The following RALGAPA2 variants were observed in gnomAD, a reference collection of about 807,000 sequenced individuals.
RALGAPA2 encodes ral GTPase-activating protein subunit alpha-2.
A neutral mutation model predicts 230.4 loss-of-function variants in RALGAPA2; 139 were observed. That is an observed-to-expected ratio of 0.60 (90% CI 0.53 to 0.69). The LOEUF is 0.69. RALGAPA2 is among the 30% of genes least tolerant of loss of function. RALGAPA2 has a pLI of 0.00. For synonymous variants in RALGAPA2, 847 were observed against 837.8 expected, an observed-to-expected ratio of 1.01 and a Z score of -0.19; for missense variants, 2,163 against 2,276.0, an observed-to-expected ratio of 0.95 and a Z score of 1.01.
At chr20:20,653,195 CAAAAAAAAAAAAAAA>C (rs60906434) in intron 4 of RALGAPA2, among the ~76,000 whole-genome samples, 9 of 27,514 alleles carry the variant, frequency 3.3e-4, no homozygotes, top group Admixed American at 6.3e-4. Flanking sequence ...GACTCCATCT[CAAAAAAAAAAAAAAA>C]AAAAAAAAAA....
chr20:20,556,996 G>A (rs2064102497), intron 23 of RALGAPA2, among the ~76,000 whole-genome samples: 1 of 152,062 alleles, frequency 6.6e-6, no homozygotes, highest in African/African-American at 2.4e-5. Flanking sequence ...AGCAAAAACA[G>A]GGTCACTGCC....
intron 13 of RALGAPA2, among the ~76,000 whole-genome samples, chr20:20,615,063 C>T (rs1032266345): frequency 6.6e-5 from 10 of 151,844 alleles, no homozygotes; most frequent in Admixed American, 6.6e-4. Context: ...AGGCTGATGA[C>T]ACATGGAGAA....
chr20:20,453,170 T>C (rs1475272710), intron 37 of RALGAPA2, among the ~76,000 whole-genome samples: 1 of 152,182 alleles, frequency 6.6e-6, no homozygotes, highest in Non-Finnish European at 1.5e-5. Context: ...CTGAATAAAA[T>C]ATGTGAGGTT....
At chr20:20,643,432 C>A in intron 5 of RALGAPA2, 74 bp downstream of exon 5, 1 of 1,337,248 alleles carries the variant, frequency 7.5e-7, no homozygotes, top group Non-Finnish European at 1.0e-6. Context: ...TCCAAAATGC[C>A]CTAACATTGT....
In RALGAPA2 at chr20:20,445,465, C is replaced by T. The variant is rs556539197; in HGVS notation, c.5495+27364G>A. 7.9e-5 allele frequency among the ~76,000 whole-genome samples: 12 copies of T among 152,294 alleles called. No individual in the cohort carries two copies. The South Asian group carries it at 8.3e-4, about 11-fold the overall frequency. On this transcript the variant is annotated intron_variant, in intron 37 of 39. Coordinates refer to ENST00000202677, the MANE Select transcript of RALGAPA2 (RefSeq NM_020343.4). ...AACTGGAAGCTGGGGAGATCCCCCA[C>T]GGAATCTAATCTGGCCTTTGGCTCC...
At chr20:20,539,396 T>C (rs2063580192) in intron 24 of RALGAPA2, among the ~76,000 whole-genome samples, 1 of 152,216 alleles carries the variant, frequency 6.6e-6, no homozygotes, top group Non-Finnish European at 1.5e-5. Context: ...ATGTAACTCT[T>C]ACACATTCTC....
intron 4 of RALGAPA2, 54 bp downstream of exon 4, chr20:20,653,476 G>A: frequency 1.0e-6 from 1 of 989,582 alleles, no homozygotes; most frequent in Non-Finnish European, 1.5e-6. Flanking sequence ...AAACATTACT[G>A]AAAATTCAAC....
intron 16 of RALGAPA2, among the ~76,000 whole-genome samples, chr20:20,591,684 C>CCACACACA (rs148734336): frequency 8.1e-5 from 12 of 147,590 alleles, no homozygotes; most frequent in African/African-American, 3.0e-4. Context: ...GAACAGAAAA[C>CCACACACA]CACACACACA....
intron 16 of RALGAPA2, chr20:20,598,679 C>G (rs6046951): frequency 2.2e-6 from 1 of 456,102 alleles, no homozygotes; most frequent in East Asian, 7.0e-5. Flanking sequence ...ATTACAGTAC[C>G]TGACAGCCTG....
At chr20:20,618,689 C>T (rs922922887) in intron 12 of RALGAPA2, among the ~76,000 whole-genome samples, 1 of 152,180 alleles carries the variant, frequency 6.6e-6, no homozygotes, top group Non-Finnish European at 1.5e-5. Flanking sequence ...TTCACTTACT[C>T]TTCAAGCTAC....
At chr20:20,466,089 C>T (rs1217942825) in intron 37 of RALGAPA2, among the ~76,000 whole-genome samples, 1 of 152,196 alleles carries the variant, frequency 6.6e-6, no homozygotes, top group Non-Finnish European at 1.5e-5. Context: ...GGTGGTGGTG[C>T]CTGGCACCAG....
At chr20:20,567,591 T>A (rs2064472747) in intron 23 of RALGAPA2, among the ~76,000 whole-genome samples, 1 of 152,154 alleles carries the variant, frequency 6.6e-6, no homozygotes, top group African/African-American at 2.4e-5. Context: ...AAAGAAAACA[T>A]ACCTGGTGGA....
intron 36 of RALGAPA2, among the ~76,000 whole-genome samples, chr20:20,485,269 G>A (rs1022171161): frequency 1.3e-5 from 2 of 152,214 alleles, no homozygotes; most frequent in Non-Finnish European, 2.9e-5. Context: ...CTGCTCTGAT[G>A]TTAGCTCCAT....
intron 1 of RALGAPA2, among the ~76,000 whole-genome samples, chr20:20,682,724 G>A (rs1268691323): frequency 6.6e-6 from 1 of 152,158 alleles, no homozygotes; most frequent in African/African-American, 2.4e-5. Flanking sequence ...TATGTCCCAT[G>A]CATCTAGCAC....
rs183623069 is a variant in RALGAPA2 at position 20,604,180 on chromosome 20, G to A, written c.2038+995C>T. Reference sequence around the variant, plus strand: ...CTCATTTTGACCCTATTTTGTATTTGATCTACTGTACTATATGCCTTTCTA... The same window carrying A: ...CTCATTTTGACCCTATTTTGTATTTAATCTACTGTACTATATGCCTTTCTA... On this transcript the variant is annotated intron_variant, in intron 15 of 39. Coordinates refer to ENST00000202677, the MANE Select transcript of RALGAPA2 (RefSeq NM_020343.4). Among the ~76,000 whole-genome samples, 56 of 152,226 alleles carry A rather than the reference G, an allele frequency of 3.7e-4. 1 individual carries two copies. The East Asian group carries it at 0.01, about 28-fold the overall frequency.
At chr20:20,424,593 C>T (rs2060342480) in intron 37 of RALGAPA2, among the ~76,000 whole-genome samples, 1 of 152,212 alleles carries the variant, frequency 6.6e-6, no homozygotes, top group African/African-American at 2.4e-5. Flanking sequence ...AAATGTACTC[C>T]CAACCTTAAT....
intron 2 of RALGAPA2, among the ~76,000 whole-genome samples, chr20:20,679,172 G>C (rs569468398): frequency 1.3e-5 from 2 of 152,088 alleles, no homozygotes; most frequent in African/African-American, 4.8e-5. Flanking sequence ...TATCCCCCAT[G>C]CACCTCAAAC....
chr20:20,660,415 G>C (rs563380119), intron 3 of RALGAPA2, among the ~76,000 whole-genome samples: 38 of 152,068 alleles, frequency 2.5e-4, no homozygotes, highest in Middle Eastern at 3.4e-3. Flanking sequence ...GATCAGATTT[G>C]TTCATTCTTA....
intron 4 of RALGAPA2, among the ~76,000 whole-genome samples, chr20:20,644,444 C>T (rs1288634915): frequency 6.6e-6 from 1 of 152,168 alleles, no homozygotes; most frequent in Non-Finnish European, 1.5e-5. Context: ...GCAACTGATA[C>T]AAGCCACAGC....
Sources: gnomAD v4.1 joint callset for allele counts (sites outside exome capture counted in the v4.1 genomes callset) on GRCh38, gnomAD v4.1.1 for gene constraint, MANE v1.5 for transcripts, NCBI Gene and HGNC (gene_info 2026-07-23, HGNC 2026-07-21) for gene names.